The following NPM1 variants were observed in gnomAD, a reference collection of about 807,000 sequenced individuals.
NPM1 encodes nucleophosmin.
A neutral mutation model predicts 44.1 loss-of-function variants in NPM1; 1 was observed. The observed-to-expected ratio is 0.02, with a 90% CI of 0.01 to 0.11. The LOEUF (loss-of-function observed/expected upper bound fraction) is 0.11, where lower values mean the gene tolerates loss of function less well. Ranked by LOEUF, NPM1 falls within the 10% of genes least tolerant of loss-of-function variation. The pLI is 1.00. For synonymous variants in NPM1, 126 were observed against 111.8 expected (o/e 1.13, Z -0.80); for missense variants, 197 against 347.8 (o/e 0.57, Z 3.45).
rs116122973 is a variant in NPM1, at chr5:171,405,604, A to G, written c.771+201A>G. On this transcript the variant is annotated intron_variant, in intron 9 of 10. Coordinates refer to ENST00000296930, the MANE Select transcript of NPM1 (RefSeq NM_002520.7). ...GTGATTTTTGCATATGCAAAATTAA[A>G]TATGCCTTATTTTCCATTATGCAAG... 7.3e-4 allele frequency: 415 copies of G among 565,936 alleles called. 3 individuals carry two copies. Among genetic ancestry groups the G allele is most frequent in the African/African-American group, 6.9e-3 (367 of 52,842 alleles). 35.1% of individuals were successfully genotyped at this position (565,936 alleles called of 1,614,324 possible). A position where few individuals can be genotyped will look rare whatever the true frequency, so the allele number is the denominator to read the frequency against.
Position 171,387,979 on chromosome 5 carries a change from C to A in NPM1, c.31C>A (p.Pro11Thr). Residue 11 changes from proline to threonine, a missense_variant, in exon 1 of 11, where the codon CCC becomes ACC. By Grantham distance (38) the Pro-to-Thr change is conservative. Transcript: ENST00000296930. The stretch of plus-strand genomic sequence containing the variant: ...AGATTCGATGGACATGGACATGAGC[C>A]CCCTGAGGCCCCAGAACTATCTTTT... Reference protein sequence around the residue: MEDSMDMDMSPLRPQNYLFGC... With the variant: MEDSMDMDMSTLRPQNYLFGC... 6.2e-7 allele frequency: 1 copy of A among 1,612,864 alleles called. No individual in the cohort carries two copies. The highest frequency in any genetic ancestry group is 8.5e-7 in the Non-Finnish European group (1 of 1,179,982).
At position 171,387,880 on chromosome 5, in the gene NPM1, T is replaced by C. The variant is rs1770320844; in HGVS notation, c.-69T>C. The C allele has an allele frequency of 1.3e-5, 19 of 1,444,142 alleles. No homozygotes were observed. The highest frequency in any genetic ancestry group is 2.9e-6 in the Non-Finnish European group (3 of 1,028,232). The allele number at this position is 1,444,142 out of a possible 1,614,324, so 89.5% of individuals were successfully genotyped here. A position where few individuals can be genotyped will look rare whatever the true frequency, so the allele number is the denominator to read the frequency against. The stretch of plus-strand genomic sequence containing the variant: ...CTGGTGTGATTCCGTCCTGCGCGGT[T>C]GTTCTCTGGAGCAGCGTTCTTTTAT... On this transcript the variant is annotated 5_prime_UTR_variant, in exon 1 of 11. Coordinates refer to ENST00000296930, the MANE Select transcript of NPM1 (RefSeq NM_002520.7).
Sources: gnomAD v4.1 joint callset for allele counts on GRCh38, gnomAD v4.1.1 for gene constraint, MANE v1.5 for transcripts, NCBI Gene and HGNC (gene_info 2026-07-23, HGNC 2026-07-21) for gene names.